Variants in JPH3 observed in about 807,000 individuals in gnomAD.
The protein encoded by JPH3 is junctophilin-3.
In JPH3, 11 loss-of-function variants were observed where a neutral mutation model predicts 59.6. The ratio of observed to expected loss-of-function variants is 0.18; its 90% CI spans 0.12 to 0.31. The LOEUF is 0.31. JPH3 is among the 10% of genes least tolerant of loss of function. The probability of loss-of-function intolerance (pLI) is 1.00; values close to 1 mark genes in which losing one functional copy is unlikely to be tolerated. For synonymous variants in JPH3, 673 were observed against 483.6 expected, an observed-to-expected ratio of 1.39 and a Z score of -5.14; for missense variants, 1,202 against 1,105.7, an observed-to-expected ratio of 1.09 and a Z score of -1.24.
intron 1 of JPH3, among the ~76,000 whole-genome samples, chr16:87,632,322 G>C (rs1057031479): frequency 2.0e-5 from 3 of 152,210 alleles, no homozygotes; most frequent in Admixed American, 6.5e-5. Flanking sequence ...TCCTCTGCCT[G>C]GTGGGCTTGT....
At chr16:87,618,634 T>G (rs925919094) in intron 1 of JPH3, among the ~76,000 whole-genome samples, 5 of 152,182 alleles carry the variant, frequency 3.3e-5, no homozygotes, top group African/African-American at 1.2e-4. Context: ...GGCTCTGGTG[T>G]TTCTGCGTCC....
chr16:87,619,483 G>A (rs2031093337), intron 1 of JPH3, among the ~76,000 whole-genome samples: 1 of 152,192 alleles, frequency 6.6e-6, no homozygotes, highest in Non-Finnish European at 1.5e-5. Context: ...TGCGCTGGGT[G>A]TCTGTCTCTT....
intron 2 of JPH3, among the ~76,000 whole-genome samples, chr16:87,649,688 C>G (rs1373571753): frequency 5.9e-5 from 9 of 152,208 alleles, no homozygotes; most frequent in Middle Eastern, 3.2e-3. Context: ...CTGGTGGAAG[C>G]CGAGCTGGGG....
At chr16:87,642,544 G>A (rs751896223) in intron 1 of JPH3, among the ~76,000 whole-genome samples, 5 of 152,368 alleles carry the variant, frequency 3.3e-5, no homozygotes, top group African/African-American at 7.2e-5. Context: ...AGTAAGTCTC[G>A]GCCTCCAGGC....
intron 1 of JPH3, among the ~76,000 whole-genome samples, chr16:87,628,895 C>T: frequency 6.6e-6 from 1 of 152,118 alleles, no homozygotes; most frequent in East Asian, 1.9e-4. Flanking sequence ...TCCCAGTGGA[C>T]AGAGTGTCAG....
In JPH3 at chr16:87,613,221, C is replaced by T. The variant is rs140987811; in HGVS notation, c.382+9693C>T. On this transcript the variant is annotated intron_variant, in intron 1 of 4. Transcript: ENST00000284262. ...ACGCCATTCTCCTGCCTCAGCCTCC[C>T]GAGTAGCTGGGACTACAGGTACCCA... Among the ~76,000 whole-genome samples, 1,483 of 151,250 alleles carry T rather than the reference C, an allele frequency of 9.8e-3. 23 individuals carry two copies. Among genetic ancestry groups the T allele is most frequent in the African/African-American group, 0.034 (1,394 of 41,220 alleles).
At chr16:87,695,848 G>T in intron 4 of JPH3, 1 of 456,076 alleles carries the variant, frequency 2.2e-6, no homozygotes, top group Non-Finnish European at 4.4e-6. Context: ...GCAAGCACAG[G>T]GAAGGTGGCA....
intron 2 of JPH3, among the ~76,000 whole-genome samples, chr16:87,680,902 T>C (rs2033272768): frequency 6.6e-6 from 1 of 152,168 alleles, no homozygotes; most frequent in Non-Finnish European, 1.5e-5. Flanking sequence ...TTGGTGGTAT[T>C]TTTACTAAGC....
intron 2 of JPH3, among the ~76,000 whole-genome samples, chr16:87,664,016 G>A (rs1190757920): frequency 2.0e-5 from 3 of 152,296 alleles, no homozygotes; most frequent in Admixed American, 6.5e-5. Flanking sequence ...GGAAATATGC[G>A]CTGAAGTACT....
chr16:87,675,060 C>A (rs2033110001), intron 2 of JPH3, among the ~76,000 whole-genome samples: 2 of 152,154 alleles, frequency 1.3e-5, no homozygotes, highest in Non-Finnish European at 2.9e-5. Flanking sequence ...CAGCGCCTGG[C>A]CAACTTTTGT....
chr16:87,696,377 G>A, intron 4 of JPH3: 4 of 596,894 alleles, frequency 6.7e-6, no homozygotes, highest in Non-Finnish European at 8.9e-6. Context: ...CGTACAGGCA[G>A]CTGGGGCTTC....
chr16:87,670,319 G>C (rs1005033911), intron 2 of JPH3, among the ~76,000 whole-genome samples: 2 of 152,216 alleles, frequency 1.3e-5, no homozygotes, highest in Non-Finnish European at 2.9e-5. Context: ...CCAGGGTCCT[G>C]GGAGAAGCAA....
chr16:87,636,535 G>GA (rs1028137944), intron 1 of JPH3, among the ~76,000 whole-genome samples: 1 of 152,218 alleles, frequency 6.6e-6, no homozygotes, highest in African/African-American at 2.4e-5. Context: ...CCGTCTGGGG[G>GA]AAGCCCTGTC....
intron 3 of JPH3, 23 bp from the exon 4 acceptor site, chr16:87,689,623 C>T (rs1207853607): frequency 6.2e-7 from 1 of 1,607,186 alleles, no homozygotes; most frequent in Non-Finnish European, 8.5e-7. Context: ...CGCCGTCTGG[C>T]GTCGTCTTGT....
At position 87,690,671 on chromosome 16, in the gene JPH3, G is replaced by C. The variant is rs1283662020; in HGVS notation, c.2166+145G>C. 6 of 897,898 alleles carry C rather than the reference G, an allele frequency of 6.7e-6. No homozygotes were observed. The Admixed American group carries it at 1.9e-4, about 28-fold the overall frequency. The allele number at this position is 897,898 out of a possible 1,614,324, so 55.6% of individuals were successfully genotyped here. A position where few individuals can be genotyped will look rare whatever the true frequency, so the allele number is the denominator to read the frequency against. ...GTAGGGTGGGGGTACAGCCGGGAGTGGTGGCCCTCAGGTCGCTGGGACCCT... is the reference window on the plus strand; with the variant it reads ...GTAGGGTGGGGGTACAGCCGGGAGTCGTGGCCCTCAGGTCGCTGGGACCCT... On this transcript the variant is annotated intron_variant, in intron 4 of 4. Transcript: ENST00000284262.
intron 2 of JPH3, among the ~76,000 whole-genome samples, chr16:87,656,742 T>C (rs1404101313): frequency 6.6e-6 from 1 of 152,194 alleles, no homozygotes; most frequent in Non-Finnish European, 1.5e-5. Context: ...TCTCTCCTGG[T>C]GTCCGCCTTT....
intron 2 of JPH3, among the ~76,000 whole-genome samples, chr16:87,663,587 C>T (rs184946188): frequency 1.1e-3 from 167 of 152,304 alleles, no homozygotes; most frequent in African/African-American, 3.7e-3. Flanking sequence ...GCCACTGCCC[C>T]CAGCTGGCCT....
At chr16:87,643,579 C>T (rs1402017198) in intron 1 of JPH3, among the ~76,000 whole-genome samples, 1 of 152,204 alleles carries the variant, frequency 6.6e-6, no homozygotes, top group African/African-American at 2.4e-5. Flanking sequence ...ACCTGTGTCC[C>T]TGTAGCTGCC....
intron 1 of JPH3, among the ~76,000 whole-genome samples, chr16:87,616,937 G>T (rs113099918): frequency 6.6e-6 from 1 of 152,134 alleles, no homozygotes; most frequent in Non-Finnish European, 1.5e-5. Flanking sequence ...TCAATAGTTC[G>T]TTCCAGGCTG....
Sources: allele counts gnomAD v4.1 joint callset (sites outside exome capture counted in the v4.1 genomes callset), GRCh38; gene constraint gnomAD v4.1.1; transcripts MANE v1.5; gene names NCBI Gene and HGNC (gene_info 2026-07-23, HGNC 2026-07-21).